Variants in VPS8 observed in about 807,000 individuals in gnomAD.
The protein encoded by VPS8 is VPS8 subunit of CORVET complex.
Under a neutral mutation model 216.4 loss-of-function variants are expected in VPS8, and 129 were observed. The observed-to-expected ratio is 0.60, with a 90% CI of 0.52 to 0.69. The LOEUF (loss-of-function observed/expected upper bound fraction) is 0.69, where lower values mean the gene tolerates loss of function less well. VPS8 is among the 30% of genes least tolerant of loss of function. The pLI is 0.00. For missense variants in VPS8, 1,531 were observed against 1,683.5 expected (o/e 0.91, Z 1.59); for synonymous variants, 571 against 565.4 (o/e 1.01, Z -0.14).
At chr3:184,816,414 A>G (rs1012048096) in intron 1 of VPS8, among the ~76,000 whole-genome samples, 1 of 152,070 alleles carries the variant, frequency 6.6e-6, no homozygotes, top group Non-Finnish European at 1.5e-5. Context: ...ACATTTTTTA[A>G]TCTGTATGTA....
chr3:184,896,301 CTATTTA>C (rs904538961), intron 23 of VPS8, among the ~76,000 whole-genome samples: 1 of 152,082 alleles, frequency 6.6e-6, no homozygotes, highest in African/African-American at 2.4e-5. Context: ...TTAATTTCTT[CTATTTA>C]TAATACTTTA....
At chr3:184,976,961 C>T (rs1316619540) in intron 40 of VPS8, among the ~76,000 whole-genome samples, 1 of 152,036 alleles carries the variant, frequency 6.6e-6, no homozygotes, top group Non-Finnish European at 1.5e-5. Context: ...ATTTCTTTTC[C>T]TTTGGGTATA....
intron 21 of VPS8, among the ~76,000 whole-genome samples, chr3:184,885,419 A>T (rs1731023024): frequency 6.6e-6 from 1 of 152,234 alleles, no homozygotes; most frequent in African/African-American, 2.4e-5. Context: ...AAAGGGTCAA[A>T]ATTATGGATT....
chr3:184,853,747 T>G (rs1369494291), intron 11 of VPS8, 110 bp from the exon 12 acceptor site: 1 of 1,088,020 alleles, frequency 9.2e-7, no homozygotes, highest in Non-Finnish European at 1.3e-6. Flanking sequence ...CTTGGATTGT[T>G]GGGGGTTAAG....
intron 42 of VPS8, among the ~76,000 whole-genome samples, chr3:184,990,926 T>A (rs1315454631): frequency 6.3e-4 from 2 of 3,190 alleles, no homozygotes; most frequent in Non-Finnish European, 0.012. Flanking sequence ...AATTACACCG[T>A]TTTTTTTTTT....
intron 45 of VPS8, 45 bp from the exon 46 acceptor site, chr3:185,024,291 G>T: frequency 6.5e-7 from 1 of 1,529,912 alleles, no homozygotes; most frequent in East Asian, 2.4e-5. Context: ...GACAAAACTA[G>T]ACTATAACTG....
intron 36 of VPS8, among the ~76,000 whole-genome samples, chr3:184,955,097 C>T (rs534680743): frequency 2.1e-4 from 32 of 152,156 alleles, no homozygotes; most frequent in East Asian, 7.8e-4. Context: ...CTTAGCAGAC[C>T]GCGAAAGGGA....
At chr3:184,959,325 G>A (rs983417781) in intron 37 of VPS8, among the ~76,000 whole-genome samples, 5 of 152,086 alleles carry the variant, frequency 3.3e-5, no homozygotes, top group African/African-American at 1.2e-4. Context: ...CAAAGCCTTG[G>A]TAATATAACC....
intron 1 of VPS8, among the ~76,000 whole-genome samples, chr3:184,814,368 T>C (rs1182365756): frequency 1.3e-5 from 2 of 152,210 alleles, no homozygotes; most frequent in Non-Finnish European, 2.9e-5. Context: ...GTTACAGTCA[T>C]GGGACAGTTA....
intron 40 of VPS8, among the ~76,000 whole-genome samples, chr3:184,974,488 A>G (rs1340641156): frequency 1.3e-5 from 2 of 152,114 alleles, no homozygotes; most frequent in Admixed American, 6.5e-5. Flanking sequence ...TGCAAATATT[A>G]TCTCTCATTG....
intron 40 of VPS8, among the ~76,000 whole-genome samples, chr3:184,976,387 T>G (rs1327318026): frequency 1.3e-5 from 2 of 152,126 alleles, no homozygotes; most frequent in Admixed American, 1.3e-4. Context: ...TTTGGACTTT[T>G]TTTTTTGTTT....
chr3:184,903,544 T>A (rs1181436994), intron 25 of VPS8, among the ~76,000 whole-genome samples: 1 of 152,180 alleles, frequency 6.6e-6, no homozygotes, highest in Non-Finnish European at 1.5e-5. Context: ...CTCAAACTTA[T>A]GGGATCAAGT....
At chr3:185,039,266 GTTTATC>G (rs974505033) in intron 46 of VPS8, among the ~76,000 whole-genome samples, 4 of 152,130 alleles carry the variant, frequency 2.6e-5, no homozygotes, top group African/African-American at 9.7e-5. Context: ...TTTATTTGGA[GTTTATC>G]TTAATCCACT....
chr3:184,905,474 TTCTC>T (rs1735321465), intron 25 of VPS8, among the ~76,000 whole-genome samples: 1 of 152,190 alleles, frequency 6.6e-6, no homozygotes, highest in Non-Finnish European at 1.5e-5. Flanking sequence ...AATTTGACTC[TTCTC>T]TCTTTTTTTA....
At chr3:185,032,585 G>A (rs1476480211) in intron 46 of VPS8, among the ~76,000 whole-genome samples, 1 of 152,108 alleles carries the variant, frequency 6.6e-6, no homozygotes, top group Non-Finnish European at 1.5e-5. Context: ...TCAGGGTCTT[G>A]GGGAAAGGAA....
intron 46 of VPS8, among the ~76,000 whole-genome samples, chr3:185,038,823 C>T (rs542390767): frequency 6.5e-4 from 99 of 152,276 alleles, no homozygotes; most frequent in African/African-American, 2.2e-3. Context: ...AGAGCCTAAG[C>T]AGCCCCCTGG....
chr3:185,035,278 T>C (rs553337260), intron 46 of VPS8, among the ~76,000 whole-genome samples: 19 of 152,202 alleles, frequency 1.2e-4, no homozygotes, highest in African/African-American at 4.1e-4. Flanking sequence ...ATCAACCTAA[T>C]ACCAAAATCT....
intron 25 of VPS8, among the ~76,000 whole-genome samples, chr3:184,903,754 G>T (rs1734999340): frequency 6.6e-6 from 1 of 152,078 alleles, no homozygotes; most frequent in South Asian, 2.1e-4. Flanking sequence ...AGCTTATTTT[G>T]GTCTTAAAGT....
At chr3:184,992,546 T>C (rs1027326744) in intron 42 of VPS8, among the ~76,000 whole-genome samples, 2 of 152,056 alleles carry the variant, frequency 1.3e-5, no homozygotes, top group Non-Finnish European at 2.9e-5. Context: ...TAAGCCTCAG[T>C]TTCTTTACTC....
Sources: gnomAD v4.1 joint callset for allele counts (sites outside exome capture counted in the v4.1 genomes callset) on GRCh38, gnomAD v4.1.1 for gene constraint, MANE v1.5 for transcripts, NCBI Gene and HGNC (gene_info 2026-07-23, HGNC 2026-07-21) for gene names.